GLIS1: variants seen among roughly 807,000 people sequenced by gnomAD.
GLIS1 encodes the protein zinc finger protein GLIS1.
GLIS1 carries 24 observed loss-of-function variants against 63.8 expected under a neutral mutation model. The ratio of observed to expected loss-of-function variants is 0.38; its 90% CI spans 0.27 to 0.53. GLIS1 has a LOEUF of 0.53. Among genes scored for constraint, GLIS1 ranks in the 20% least tolerant of loss-of-function variants. GLIS1 has a pLI of 0.85. For missense variants in GLIS1, 1,036 were observed against 1,074.1 expected, an observed-to-expected ratio of 0.96 and a Z score of 0.50; for synonymous variants, 450 against 482.5, an observed-to-expected ratio of 0.93 and a Z score of 0.88.
chr1:53,673,886 C>T (rs1189099628), intron 2 of GLIS1, among the ~76,000 whole-genome samples: 1 of 152,168 alleles, frequency 6.6e-6, no homozygotes, highest in Non-Finnish European at 1.5e-5. Flanking sequence ...TAAGAATCCA[C>T]TGAGGCCGGG....
At position 53,595,930 on chromosome 1, in the gene GLIS1, T is replaced by G. The variant is rs866359031; in HGVS notation, c.438-940A>C. Among the ~76,000 whole-genome samples the G allele has an allele frequency of 5.3e-5, 8 of 152,184 alleles. No homozygotes were observed. The South Asian group carries it at 6.2e-4, about 12-fold the overall frequency. Reference sequence around the variant, plus strand: ...ATGTGACTGCATGAAACTGCGATTTTGGGGAAAAGCCATGGGGCAGGCCAG... The same window carrying G: ...ATGTGACTGCATGAAACTGCGATTTGGGGGAAAAGCCATGGGGCAGGCCAG... On this transcript the variant is annotated intron_variant, in intron 3 of 10. Coordinates refer to ENST00000628545, the MANE Select transcript of GLIS1 (RefSeq NM_001367484.1).
chr1:53,694,921 G>A (rs1414926280), intron 2 of GLIS1, among the ~76,000 whole-genome samples: 1 of 152,098 alleles, frequency 6.6e-6, no homozygotes, highest in Non-Finnish European at 1.5e-5. Context: ...ACTCCAGCCT[G>A]GGCAACACAG....
chr1:53,610,172 T>C (rs972686464), intron 2 of GLIS1, among the ~76,000 whole-genome samples: 1 of 152,272 alleles, frequency 6.6e-6, no homozygotes, highest in Admixed American at 6.5e-5. Context: ...ATTCTACATA[T>C]ATTTTTAAAT....
intron 4 of GLIS1, among the ~76,000 whole-genome samples, chr1:53,548,433 G>A (rs1055598843): frequency 1.3e-5 from 2 of 152,204 alleles, no homozygotes; most frequent in South Asian, 2.1e-4. Context: ...ACGCATGGAC[G>A]CCTGCTCCAG....
rs147342893 is a variant in GLIS1, at chr1:53,506,696, C to T, written c.2311G>A (p.Glu771Lys). 2.0e-5 allele frequency: 33 copies of T among 1,613,396 alleles called. No individual in the cohort carries two copies. Among genetic ancestry groups the T allele is most frequent in the Middle Eastern group, 1.6e-4 (1 of 6,082 alleles). Residue 771 changes from glutamate to lysine, a missense_variant, in exon 11 of 11, where the codon GAG (glutamate) becomes AAG (lysine). By Grantham distance (56) the Glu-to-Lys change is moderately conservative (BLOSUM62 1). This residue lies in a region of GLIS1 where 400 missense variants were observed against 400.9 expected (regional missense o/e 1.00). Transcript: ENST00000628545. ...CCATTGGGGAAGAAGCCACAGTCCT[C>T]GGGGCCGCTGGACACCACATCTTCA... is the stretch of plus-strand genomic sequence containing the variant. The part of the protein sequence containing the change: ...PSEDVVSSGP[E>K]DCGFFPNGAF...
At chr1:53,679,952 C>T (rs1198428687) in intron 2 of GLIS1, among the ~76,000 whole-genome samples, 1 of 152,202 alleles carries the variant, frequency 6.6e-6, no homozygotes, top group African/African-American at 2.4e-5. Context: ...GTTCCTGTGG[C>T]ACCCAGGGTG....
intron 2 of GLIS1, among the ~76,000 whole-genome samples, chr1:53,690,916 T>C (rs1254260905): frequency 1.3e-5 from 2 of 152,198 alleles, no homozygotes; most frequent in Non-Finnish European, 2.9e-5. Context: ...GATACAATTA[T>C]GTCCCCCTTT....
chr1:53,563,886 C>T (rs1403493286), intron 4 of GLIS1, among the ~76,000 whole-genome samples: 2 of 152,154 alleles, frequency 1.3e-5, no homozygotes, highest in African/African-American at 2.4e-5. Context: ...CCAGAGGCAA[C>T]GTTATAATAT....
chr1:53,706,366 G>C (rs1646579524), intron 2 of GLIS1, among the ~76,000 whole-genome samples: 2 of 152,194 alleles, frequency 1.3e-5, no homozygotes, highest in African/African-American at 4.8e-5. Context: ...CACAGTAGGT[G>C]CTCAAAAAAG....
chr1:53,600,010 T>TCCC (rs917526516), intron 3 of GLIS1, 91 bp downstream of exon 3: 33 of 701,868 alleles, frequency 4.7e-5, no homozygotes, highest in Non-Finnish European at 6.4e-5. Context: ...TCCCCATGTG[T>TCCC]CCCCCCAGCT....
At chr1:53,602,725 G>A (rs961981731) in intron 2 of GLIS1, among the ~76,000 whole-genome samples, 7 of 152,166 alleles carry the variant, frequency 4.6e-5, no homozygotes, top group African/African-American at 1.7e-4. Flanking sequence ...GCAGGCTTGG[G>A]GGTCTGTAAG....
At chr1:53,667,922 A>G (rs548583627) in intron 2 of GLIS1, among the ~76,000 whole-genome samples, 2 of 152,314 alleles carry the variant, frequency 1.3e-5, no homozygotes, top group African/African-American at 2.4e-5. Flanking sequence ...CATGGCTTCA[A>G]TAGTTCTCTA....
At chr1:53,630,311 C>T (rs980514032) in intron 2 of GLIS1, among the ~76,000 whole-genome samples, 9 of 151,920 alleles carry the variant, frequency 5.9e-5, no homozygotes, top group African/African-American at 1.7e-4. Flanking sequence ...GTGATGGGTG[C>T]TCTTGCATAT....
rs149762680 is a variant in GLIS1 at position 53,650,919 on chromosome 1, G to C, written c.260-50641C>G. ...TCCTCACCATCCTCTCTCAGGCATC[G>C]AACACTGGCCCAGGGAGCCCTGGAT... On this transcript the variant is annotated intron_variant, in intron 2 of 10. Coordinates refer to ENST00000628545, the MANE Select transcript of GLIS1 (RefSeq NM_001367484.1). 3.5e-4 allele frequency among the ~76,000 whole-genome samples: 54 copies of C among 152,238 alleles called. No individual in the cohort carries two copies. In the East Asian group the frequency reaches 9.1e-3, roughly 26 times the overall value.
chr1:53,674,520 T>C (rs979697009), intron 2 of GLIS1, among the ~76,000 whole-genome samples: 5 of 152,172 alleles, frequency 3.3e-5, no homozygotes, highest in African/African-American at 1.2e-4. Flanking sequence ...CGGGAATACA[T>C]GTAAATGTGC....
At chr1:53,564,141 T>C (rs1261078535) in intron 4 of GLIS1, among the ~76,000 whole-genome samples, 1 of 152,206 alleles carries the variant, frequency 6.6e-6, no homozygotes, top group Non-Finnish European at 1.5e-5. Context: ...TAATGCCCTC[T>C]AATGCACGGG....
At chr1:53,590,232 A>T (rs1038654982) in intron 4 of GLIS1, among the ~76,000 whole-genome samples, 6 of 152,210 alleles carry the variant, frequency 3.9e-5, no homozygotes, top group Non-Finnish European at 8.8e-5. Flanking sequence ...ACAATCGAGT[A>T]TGCTGTAGTT....
chr1:53,510,780 CT>C (rs953904889), intron 8 of GLIS1, among the ~76,000 whole-genome samples: 1 of 152,192 alleles, frequency 6.6e-6, no homozygotes, highest in African/African-American at 2.4e-5. Context: ...CATTTTTTTC[CT>C]GCACAGTGTA....
At chr1:53,517,789 C>T (rs1449483721) in intron 7 of GLIS1, among the ~76,000 whole-genome samples, 1 of 152,238 alleles carries the variant, frequency 6.6e-6, no homozygotes, top group Non-Finnish European at 1.5e-5. Context: ...CTCCCTGACT[C>T]AGTCCCCTGC....
Sources: allele counts gnomAD v4.1 joint callset (sites outside exome capture counted in the v4.1 genomes callset), GRCh38; gene constraint gnomAD v4.1.1; regional missense constraint gnomAD v4.1.1; transcripts MANE v1.5; gene names NCBI Gene and HGNC (gene_info 2026-07-23, HGNC 2026-07-21).